ZNF84: variants seen among roughly 807,000 people sequenced by gnomAD.
ZNF84 encodes zinc finger protein HPF2.
ZNF84 carries 12 observed loss-of-function variants against 14.8 expected under a neutral mutation model. That is an observed-to-expected ratio of 0.81 (90% CI 0.52 to 1.31). The LOEUF is 1.31. ZNF84 is among the 50% of genes most tolerant of loss of function. The pLI, the probability that ZNF84 is intolerant of heterozygous loss-of-function variation, is 0.00. For synonymous variants in ZNF84, 347 were observed against 291.1 expected, an observed-to-expected ratio of 1.19 and a Z score of -1.96; for missense variants, 859 against 878.6, an observed-to-expected ratio of 0.98 and a Z score of 0.28.
At chr12:133,045,879 C>G (rs1281647758) in intron 2 of ZNF84, among the ~76,000 whole-genome samples, 1 of 152,000 alleles carries the variant, frequency 6.6e-6, no homozygotes, top group East Asian at 1.9e-4. Flanking sequence ...CTTTCTGGGA[C>G]TCCTATGACA....
Position 133,059,631 on chromosome 12 carries a change from T to C in ZNF84, c.*699T>C, listed in dbSNP as rs1207004703. ...ATTTCTTAGTGGTATTTGTGGCTTA[T>C]CTTCTAGTGTCACGTATGTTTTGTG... On this transcript the variant is annotated 3_prime_UTR_variant, in exon 5 of 5. Coordinates refer to ENST00000539354, the MANE Select transcript of ZNF84 (RefSeq NM_001289971.2). 1 of 152,248 alleles carries C rather than the reference T, an allele frequency of 6.6e-6. No individual in the cohort carries two copies. The highest frequency in any genetic ancestry group is 1.5e-5 in the Non-Finnish European group (1 of 68,034). 9.4% of individuals were successfully genotyped at this position (152,248 alleles called of 1,614,324 possible).
chr12:133,057,739 AC>A lies in ZNF84; in HGVS notation c.1026del (p.Gly343ValfsTer109). 1 of 1,614,162 alleles carries A rather than the reference AC, an allele frequency of 6.2e-7. No homozygotes were observed. The highest frequency in any genetic ancestry group is 8.5e-7 in the Non-Finnish European group (1 of 1,180,012). Reference protein sequence around the residue: ...SNLINHQRIHTGEKPFECREC... With the variant: ...SNLINHQRIHXGEKPFECREC... ...TCTCATTAACCATCAGAGAATTCAT[AC>A]CGGTGAGAAGCCTTTTGAATGCAGG... On this transcript the variant is annotated frameshift_variant, in exon 5 of 5. Coordinates refer to ENST00000539354, the MANE Select transcript of ZNF84 (RefSeq NM_001289971.2). LOFTEE classifies it low-confidence loss of function (END_TRUNC).
At chr12:133,040,521 C>T (rs1221017564) in intron 1 of ZNF84, 1 of 144,754 alleles carries the variant, frequency 6.9e-6, no homozygotes, top group Admixed American at 7.3e-5. Context: ...GCAGTGAGCT[C>T]TGATTGTGCC....
rs1953800009 is a variant in ZNF84 at position 133,037,519 on chromosome 12, G to GGGCGCGAC, written c.-216_-209dup. 6.6e-6 allele frequency: 1 copy of GGGCGCGAC among 152,534 alleles called. No individual in the cohort carries two copies. Among genetic ancestry groups the GGGCGCGAC allele is most frequent in the South Asian group, 2.1e-4 (1 of 4,856 alleles). The allele number at this position is 152,534 out of a possible 1,614,324, so 9.4% of individuals were successfully genotyped here. On this transcript the variant is annotated 5_prime_UTR_variant, in exon 1 of 5. Coordinates refer to ENST00000539354, the MANE Select transcript of ZNF84 (RefSeq NM_001289971.2). ...CGTGATCGCGAGGCCGCGGGCGCGC[G>GGGCGCGAC]GGCGCGACTCGGCGGCGGCGTCTTT...
intron 4 of ZNF84, among the ~76,000 whole-genome samples, chr12:133,050,895 T>G (rs1364768448): frequency 6.6e-6 from 1 of 152,178 alleles, no homozygotes; most frequent in African/African-American, 2.4e-5. Flanking sequence ...ATAGAACATG[T>G]AATGTTCGAT....
At chr12:133,049,827 C>T (rs1392292706) in intron 4 of ZNF84, among the ~76,000 whole-genome samples, 4 of 152,022 alleles carry the variant, frequency 2.6e-5, no homozygotes, top group African/African-American at 4.8e-5. Context: ...AATTTTTTTT[C>T]TATTGGGAAA....
At position 133,041,473 on chromosome 12, in the gene ZNF84, C is replaced by T; in HGVS notation, c.6C>T (p.Thr2=). 1 of 1,614,028 alleles carries T rather than the reference C, an allele frequency of 6.2e-7. No individual in the cohort carries two copies. Among genetic ancestry groups the T allele is most frequent in the South Asian group, 1.1e-5 (1 of 91,074 alleles). The stretch of plus-strand genomic sequence containing the variant: ...ATCTCGTACAGCAGCAGAAAATGAC[C>T]ATGTTACAGGTGAGTTGATTGTTGA... M[T]MLQESFSFDD... is the part of the protein sequence containing the mutation. The change falls in exon 2 of 5, where the codon ACC becomes ACT. Residue 2 remains threonine, a synonymous_variant. Coordinates refer to ENST00000539354, the MANE Select transcript of ZNF84 (RefSeq NM_001289971.2).
rs1170633027 is a variant in ZNF84 at position 133,063,095 on chromosome 12, G to A, written c.*4163G>A. 3 of 702,150 alleles carry A rather than the reference G, an allele frequency of 4.3e-6. No homozygotes were observed. The highest frequency in any genetic ancestry group is 7.8e-6 in the Non-Finnish European group (3 of 384,810). 43.5% of individuals were successfully genotyped at this position (702,150 alleles called of 1,614,324 possible). ...TGGGTGCAGTGAGTGGCTGTTTTCTGCCACATGGAGAAACATGGTCTGCAG... is the reference window on the plus strand; with the variant it reads ...TGGGTGCAGTGAGTGGCTGTTTTCTACCACATGGAGAAACATGGTCTGCAG... On this transcript the variant is annotated 3_prime_UTR_variant, in exon 5 of 5. Transcript: ENST00000539354.
intron 2 of ZNF84, among the ~76,000 whole-genome samples, chr12:133,044,140 CTT>C (rs1299126647): frequency 6.7e-6 from 1 of 149,564 alleles, no homozygotes; most frequent in Admixed American, 6.7e-5. Flanking sequence ...TCAGCAATAA[CTT>C]TTTTTTTCTT....
intron 4 of ZNF84, among the ~76,000 whole-genome samples, chr12:133,056,005 G>A (rs1954149906): frequency 1.3e-5 from 2 of 152,312 alleles, no homozygotes; most frequent in Admixed American, 6.5e-5. Flanking sequence ...GGCAGTTAAG[G>A]TGGGAGGATC....
chr12:133,037,558 A>C lies in ZNF84; in HGVS notation c.-191+13A>C, dbSNP rs1183504787. 1.3e-5 allele frequency: 2 copies of C among 150,518 alleles called. No individual in the cohort carries two copies. Among genetic ancestry groups the C allele is most frequent in the African/African-American group, 2.5e-5 (1 of 40,628 alleles). 9.3% of individuals were successfully genotyped at this position (150,518 alleles called of 1,614,324 possible). A position where few individuals can be genotyped will look rare whatever the true frequency, so the allele number is the denominator to read the frequency against. ...GGCGGCGTCTTTTGTGAGTTCAGTG[A>C]GTTTATTGCGGGCCCGGCGCTGGGG... On this transcript the variant is annotated intron_variant, in intron 1 of 4. Transcript: ENST00000539354.
intron 2 of ZNF84, among the ~76,000 whole-genome samples, 187 bp downstream of exon 2, chr12:133,041,669 GTATT>G (rs1953891493): frequency 6.6e-6 from 1 of 152,212 alleles, no homozygotes; most frequent in Admixed American, 6.5e-5. Flanking sequence ...TTAGGATTGA[GTATT>G]TATAGCATAT....
chr12:133,059,089 T>TA lies in ZNF84; in HGVS notation c.*158dup. 2.7e-6 allele frequency: 2 copies of TA among 734,448 alleles called. No individual in the cohort carries two copies. The highest frequency in any genetic ancestry group is 4.0e-5 in the South Asian group (2 of 50,216). 45.5% of individuals were successfully genotyped at this position (734,448 alleles called of 1,614,324 possible). A position where few individuals can be genotyped will look rare whatever the true frequency, so the allele number is the denominator to read the frequency against. On this transcript the variant is annotated 3_prime_UTR_variant, in exon 5 of 5. Transcript: ENST00000539354. Reference sequence around the variant, plus strand: ...TGTATGGAAAGCCGATCATAATTCATAGAGTAGAGTGAACCTATGACTGCA... The same window carrying TA: ...TGTATGGAAAGCCGATCATAATTCATAAGAGTAGAGTGAACCTATGACTGCA...
At chr12:133,041,241 A>ATG in intron 1 of ZNF84, 37 bp from the exon 2 acceptor site, 1 of 509,534 alleles carries the variant, frequency 2.0e-6, no homozygotes, top group Non-Finnish European at 3.5e-6. Context: ...TTCATGTGCA[A>ATG]TGTGAATATA....
chr12:133,048,456 TGAGAA>T lies in ZNF84; in HGVS notation c.143-294_143-290del, dbSNP rs1260982474. The T allele has an allele frequency of 2.0e-5, 6 of 296,162 alleles. No homozygotes were observed. The Admixed American group carries it at 2.3e-4, about 11-fold the overall frequency. 18.3% of individuals were successfully genotyped at this position (296,162 alleles called of 1,614,324 possible). ...TACAGTCATTATCCATTTTTCCTGA[TGAGAA>T]GATCGAGGCCAAGAGAGGTTAAGTA... On this transcript the variant is annotated intron_variant, in intron 3 of 4. Coordinates refer to ENST00000539354, the MANE Select transcript of ZNF84 (RefSeq NM_001289971.2).
chr12:133,048,397 T>C, intron 3 of ZNF84: 1 of 285,014 alleles, frequency 3.5e-6, no homozygotes, highest in Non-Finnish European at 6.7e-6. Flanking sequence ...GTATATCAAC[T>C]CATTTAGTCA....
Position 133,058,599 on chromosome 12 carries a change from A to G in ZNF84, c.1884A>G (p.Glu628=), listed in dbSNP as rs111526694. 2.7e-5 allele frequency: 43 copies of G among 1,614,192 alleles called. 2 individuals are homozygous for G. The African/African-American group carries it at 2.7e-4, about 10-fold the overall frequency. ...LRTHTGEKPY[E]CNECRKAFRE... The stretch of plus-strand genomic sequence containing the variant: ...CTCATACAGGAGAAAAACCTTATGA[A>G]TGCAATGAATGTAGAAAAGCCTTCA... The change falls in exon 5 of 5, where the codon GAA becomes GAG. Residue 628 remains glutamate, a synonymous_variant. Transcript: ENST00000539354.
At chr12:133,043,423 C>A (rs1016028081) in intron 2 of ZNF84, among the ~76,000 whole-genome samples, 3 of 152,312 alleles carry the variant, frequency 2.0e-5, no homozygotes, top group South Asian at 2.1e-4. Context: ...CCTTAGCCCC[C>A]CAAAGTGTGT....
At chr12:133,043,841 C>T (rs1441919603) in intron 2 of ZNF84, among the ~76,000 whole-genome samples, 3 of 150,810 alleles carry the variant, frequency 2.0e-5, no homozygotes, top group Non-Finnish European at 4.4e-5. Flanking sequence ...GCAACCTCTG[C>T]CTCCCGGGTT....
Sources: allele counts gnomAD v4.1 joint callset (sites outside exome capture counted in the v4.1 genomes callset), GRCh38; gene constraint gnomAD v4.1.1; transcripts MANE v1.5; gene names NCBI Gene and HGNC (gene_info 2026-07-23, HGNC 2026-07-21).